The following RBFOX1 variants were observed in gnomAD, a reference collection of about 807,000 sequenced individuals.
RBFOX1 encodes the protein RNA binding protein fox-1 homolog 1.
RBFOX1 carries 8 observed loss-of-function variants against 57.7 expected under a neutral mutation model. The observed-to-expected ratio is 0.14, with a 90% confidence interval of 0.08 to 0.25. RBFOX1 has a LOEUF of 0.25. Among genes scored for constraint, RBFOX1 ranks in the 10% least tolerant of loss-of-function variants. The probability of loss-of-function intolerance (pLI) is 1.00; values close to 1 mark genes in which losing one functional copy is unlikely to be tolerated. For missense variants in RBFOX1, 611 were observed against 548.5 expected (o/e 1.11, Z -1.14); for synonymous variants, 326 against 222.4 (o/e 1.47, Z -4.15).
intron 2 of RBFOX1, among the ~76,000 whole-genome samples, chr16:6,532,040 C>G (rs1003835540): frequency 6.6e-6 from 1 of 152,168 alleles, no homozygotes; most frequent in African/African-American, 2.4e-5. Context: ...GAAATGAATT[C>G]CAACTAAGTC....
intron 1 of RBFOX1, among the ~76,000 whole-genome samples, chr16:6,194,497 C>G (rs2097167216): frequency 6.6e-6 from 1 of 152,194 alleles, no homozygotes; most frequent in East Asian, 1.9e-4. Context: ...AGCCTATTTA[C>G]AGTTCAGTGC....
intron 3 of RBFOX1, among the ~76,000 whole-genome samples, chr16:5,676,897 A>G (rs1295280061): frequency 1.3e-5 from 2 of 152,222 alleles, no homozygotes; most frequent in Non-Finnish European, 1.5e-5. Context: ...GCCTGGGCAC[A>G]TAGTACTATT....
At chr16:7,172,790 C>A (rs774788872) in intron 4 of RBFOX1, among the ~76,000 whole-genome samples, 6 of 152,106 alleles carry the variant, frequency 3.9e-5, no homozygotes, top group Non-Finnish European at 7.4e-5. Flanking sequence ...TAAAAGTTGG[C>A]TTCCCAATGT....
intron 11 of RBFOX1, among the ~76,000 whole-genome samples, chr16:7,635,736 A>G (rs1039905591): frequency 6.6e-6 from 1 of 152,212 alleles, no homozygotes; most frequent in African/African-American, 2.4e-5. Context: ...AATGACATAA[A>G]TGGTTGACAG....
chr16:6,911,878 TAGTACAGG>T (rs2071706621), intron 3 of RBFOX1, among the ~76,000 whole-genome samples: 2 of 152,166 alleles, frequency 1.3e-5, no homozygotes, highest in East Asian at 3.9e-4. Flanking sequence ...AACTATATCA[TAGTACAGG>T]TGGTCTTCAG....
At chr16:6,516,641 T>A (rs1014841637) in intron 2 of RBFOX1, among the ~76,000 whole-genome samples, 5 of 152,278 alleles carry the variant, frequency 3.3e-5, no homozygotes, top group African/African-American at 1.2e-4. Context: ...GAATAAGGCA[T>A]TGGAAGACAA....
At chr16:6,945,317 C>G (rs780390772) in intron 3 of RBFOX1, among the ~76,000 whole-genome samples, 2 of 152,130 alleles carry the variant, frequency 1.3e-5, no homozygotes, top group Non-Finnish European at 2.9e-5. Flanking sequence ...GTCTCAAACG[C>G]AGATGCTTAC....
intron 5 of RBFOX1, among the ~76,000 whole-genome samples, chr16:7,534,304 G>T (rs2080955824): frequency 6.6e-6 from 1 of 151,662 alleles, no homozygotes; most frequent in South Asian, 2.1e-4. Flanking sequence ...TGTTAGCCAG[G>T]CTGGTCTCGA....
intron 3 of RBFOX1, among the ~76,000 whole-genome samples, chr16:5,833,120 A>G (rs1435849198): frequency 6.6e-6 from 1 of 152,130 alleles, no homozygotes; most frequent in Non-Finnish European, 1.5e-5. Flanking sequence ...CCCATACTAG[A>G]GCCTTATGCA....
At chr16:5,466,048 G>A (rs1047589352) in intron 1 of RBFOX1, among the ~76,000 whole-genome samples, 1 of 152,228 alleles carries the variant, frequency 6.6e-6, no homozygotes, top group Admixed American at 6.5e-5. Context: ...AGTTCATGGG[G>A]ACCCTGAAAG....
At chr16:5,901,164 C>T (rs1477455206) in intron 4 of RBFOX1, among the ~76,000 whole-genome samples, 1 of 152,188 alleles carries the variant, frequency 6.6e-6, no homozygotes, top group Non-Finnish European at 1.5e-5. Context: ...GTTCGTCTCC[C>T]TGGACCCTCT....
chr16:5,497,622 C>CAAAAAAAAAAAAAAA (rs911723996), intron 2 of RBFOX1, among the ~76,000 whole-genome samples: 5 of 53,424 alleles, frequency 9.4e-5, no homozygotes, highest in African/African-American at 4.4e-4. Flanking sequence ...ACTAAAAATA[C>CAAAAAAAAAAAAAAA]AAAAAAAAAA....
chr16:5,431,989 G>A (rs542659335), intron 1 of RBFOX1, among the ~76,000 whole-genome samples: 9 of 152,258 alleles, frequency 5.9e-5, no homozygotes, highest in African/African-American at 9.6e-5. Flanking sequence ...GATCAAGTCC[G>A]TTGGCCTAGT....
chr16:6,128,697 C>T (rs1214289515), intron 1 of RBFOX1, among the ~76,000 whole-genome samples: 1 of 152,154 alleles, frequency 6.6e-6, no homozygotes, highest in Non-Finnish European at 1.5e-5. Context: ...TACAGCTGGT[C>T]CTTGGCTGAC....
intron 2 of RBFOX1, among the ~76,000 whole-genome samples, chr16:5,477,233 G>C (rs926797404): frequency 3.9e-5 from 6 of 152,108 alleles, no homozygotes; most frequent in African/African-American, 1.4e-4. Flanking sequence ...CCAGGCTGAA[G>C]ATATTTTTGG....
chr16:7,200,347 C>G (rs2088017890), intron 4 of RBFOX1, among the ~76,000 whole-genome samples: 1 of 152,152 alleles, frequency 6.6e-6, no homozygotes, highest in African/African-American at 2.4e-5. Context: ...ATGGAAGAGC[C>G]TGAATGTGAC....
chr16:7,196,668 ATAAC>A (rs1244848774), intron 4 of RBFOX1, among the ~76,000 whole-genome samples: 1 of 152,030 alleles, frequency 6.6e-6, no homozygotes, highest in East Asian at 1.9e-4. Context: ...GCATGTGTGT[ATAAC>A]TATAAGTAAA....
intron 2 of RBFOX1, among the ~76,000 whole-genome samples, chr16:6,462,700 C>A (rs1433391342): frequency 6.6e-6 from 1 of 151,478 alleles, no homozygotes. Flanking sequence ...TTTTTACCCC[C>A]CACCGCCCCC....
intron 2 of RBFOX1, among the ~76,000 whole-genome samples, chr16:5,482,559 A>G (rs1457272182): frequency 1.3e-5 from 2 of 152,242 alleles, no homozygotes; most frequent in Non-Finnish European, 2.9e-5. Context: ...TTTCATGCTG[A>G]TGCCTATCAA....
Sources: gnomAD v4.1 joint callset for allele counts (sites outside exome capture counted in the v4.1 genomes callset) on GRCh38, gnomAD v4.1.1 for gene constraint, MANE v1.5 for transcripts, NCBI Gene and HGNC (gene_info 2026-07-23, HGNC 2026-07-21) for gene names.